The following GADL1 variants were observed in gnomAD, a reference collection of about 807,000 sequenced individuals.
GADL1 encodes the protein GAD like acidic amino acid decarboxylase 1.
In GADL1, 71 loss-of-function variants were observed where a neutral mutation model predicts 69.5. The ratio of observed to expected loss-of-function variants is 1.02; its 90% CI spans 0.84 to 1.25. The LOEUF (loss-of-function observed/expected upper bound fraction) is 1.25. Among genes scored for constraint, GADL1 ranks in the 50% most tolerant of loss-of-function variants. GADL1 has a pLI of 0.00. For synonymous variants in GADL1, 254 were observed against 214.4 expected, an observed-to-expected ratio of 1.18 and a Z score of -1.62; for missense variants, 737 against 631.8, an observed-to-expected ratio of 1.17 and a Z score of -1.79.
At chr3:30,787,333 G>A (rs555651786) in intron 12 of GADL1, among the ~76,000 whole-genome samples, 1 of 152,278 alleles carries the variant, frequency 6.6e-6, no homozygotes, top group African/African-American at 2.4e-5. Context: ...TATGGAATAT[G>A]AGTGAGAAAA....
chr3:30,742,125 T>C (rs1398153987), intron 14 of GADL1, among the ~76,000 whole-genome samples: 1 of 152,166 alleles, frequency 6.6e-6, no homozygotes, highest in Non-Finnish European at 1.5e-5. Flanking sequence ...CCTTCAGCTA[T>C]TTTAGTCTTC....
At chr3:30,791,440 C>CACTT (rs1696912853) in intron 12 of GADL1, among the ~76,000 whole-genome samples, 1 of 152,122 alleles carries the variant, frequency 6.6e-6, no homozygotes, top group African/African-American at 2.4e-5. Context: ...AGCCTGCCTC[C>CACTT]ACTTCCTCAT....
chr3:30,751,988 T>C (rs1460317470), intron 14 of GADL1, among the ~76,000 whole-genome samples: 1 of 143,996 alleles, frequency 6.9e-6, no homozygotes, highest in Admixed American at 6.7e-5. Context: ...TACTGATGGC[T>C]GTCTAAATAA....
At chr3:30,822,056 C>A (rs892559028) in intron 11 of GADL1, among the ~76,000 whole-genome samples, 5 of 152,000 alleles carry the variant, frequency 3.3e-5, no homozygotes, top group Non-Finnish European at 5.9e-5. Context: ...ACTTGGTACA[C>A]CTAATGGGAT....
intron 11 of GADL1, among the ~76,000 whole-genome samples, chr3:30,830,193 T>C (rs1332819579): frequency 6.6e-6 from 1 of 151,862 alleles, no homozygotes; most frequent in East Asian, 1.9e-4. Flanking sequence ...AACCTCATTC[T>C]GGAGGGGTCC....
chr3:30,807,861 A>G (rs928066465), intron 11 of GADL1, among the ~76,000 whole-genome samples: 1 of 151,428 alleles, frequency 6.6e-6, no homozygotes, highest in Non-Finnish European at 1.5e-5. Context: ...GCGAAACACC[A>G]TCTCTACTAA....
chr3:30,819,508 AG>A (rs1485765253), intron 11 of GADL1, among the ~76,000 whole-genome samples: 1 of 152,146 alleles, frequency 6.6e-6, no homozygotes, highest in Admixed American at 6.6e-5. Context: ...CTTTGCTCAG[AG>A]TAAACTAACA....
intron 14 of GADL1, among the ~76,000 whole-genome samples, chr3:30,768,564 GGT>G (rs777293441): frequency 0.21 from 30,712 of 142,900 alleles, 3,546 homozygotes; most frequent in Non-Finnish European, 0.28. Flanking sequence ...AGAGAGAAGG[GGT>G]GGGGAGGGGG....
chr3:30,877,291 C>CA (rs1221098125), intron 1 of GADL1, among the ~76,000 whole-genome samples: 2 of 151,804 alleles, frequency 1.3e-5, no homozygotes. Flanking sequence ...ACACATGAAA[C>CA]AATAAAAGAA....
chr3:30,755,698 T>TAG (rs1323006576), intron 14 of GADL1, among the ~76,000 whole-genome samples: 2 of 151,960 alleles, frequency 1.3e-5, no homozygotes, highest in Non-Finnish European at 2.9e-5. Flanking sequence ...GAGTCCTCCT[T>TAG]AGAATAGTGT....
chr3:30,809,153 T>C (rs142345993), intron 11 of GADL1, among the ~76,000 whole-genome samples: 6 of 152,374 alleles, frequency 3.9e-5, no homozygotes, highest in African/African-American at 1.4e-4. Context: ...AAAGCAGGTA[T>C]TCTTTCATTT....
In GADL1 at chr3:30,777,626, C is replaced by T. The variant is rs530042491; in HGVS notation, c.1392+553G>A. On this transcript the variant is annotated intron_variant, in intron 14 of 14. Coordinates refer to ENST00000282538, the MANE Select transcript of GADL1 (RefSeq NM_207359.3). Reference sequence around the variant, plus strand: ...CAGTCCCTGGAGCCTGGGGCCTCTCCTCACACGGTATCATCAGCCCCAACA... The same window carrying T: ...CAGTCCCTGGAGCCTGGGGCCTCTCTTCACACGGTATCATCAGCCCCAACA... Among the ~76,000 whole-genome samples, 298 of 152,306 alleles carry T rather than the reference C, an allele frequency of 2.0e-3. 1 individual carries two copies. Among genetic ancestry groups the T allele is most frequent in the African/African-American group, 6.9e-3 (288 of 41,564 alleles).
chr3:30,734,878 A>G (rs1394960825), intron 14 of GADL1, among the ~76,000 whole-genome samples: 2 of 152,164 alleles, frequency 1.3e-5, no homozygotes, highest in African/African-American at 4.8e-5. Flanking sequence ...TTTGCTCCCC[A>G]TTAAGGAAGA....
At chr3:30,729,659 C>G (rs1315430626) in intron 14 of GADL1, among the ~76,000 whole-genome samples, 1 of 152,160 alleles carries the variant, frequency 6.6e-6, no homozygotes. Context: ...ATCTGACACT[C>G]AACACAATCT....
chr3:30,796,069 T>G (rs1321311772), intron 12 of GADL1, among the ~76,000 whole-genome samples: 3 of 152,204 alleles, frequency 2.0e-5, no homozygotes, highest in African/African-American at 7.2e-5. Flanking sequence ...GAAAGTATTC[T>G]TAGACTGTAA....
At chr3:30,782,912 TAGG>T (rs760066218) in intron 13 of GADL1, among the ~76,000 whole-genome samples, 193 of 152,284 alleles carry the variant, frequency 1.3e-3, no homozygotes, top group Middle Eastern at 6.8e-3. Context: ...ATTTAGCAAT[TAGG>T]AGGTAGTTAT....
At chr3:30,882,149 T>G (rs1183173933) in intron 1 of GADL1, among the ~76,000 whole-genome samples, 3 of 151,920 alleles carry the variant, frequency 2.0e-5, no homozygotes, top group Non-Finnish European at 2.9e-5. Context: ...AATTAGGTAT[T>G]TTTTATTGTG....
At chr3:30,796,083 A>G (rs990923508) in intron 12 of GADL1, among the ~76,000 whole-genome samples, 2 of 152,218 alleles carry the variant, frequency 1.3e-5, no homozygotes, top group African/African-American at 4.8e-5. Context: ...ACTGTAAACT[A>G]AATTCCACCC....
chr3:30,732,843 AG>A (rs1316941475), intron 14 of GADL1, among the ~76,000 whole-genome samples: 2 of 152,198 alleles, frequency 1.3e-5, no homozygotes, highest in East Asian at 3.8e-4. Flanking sequence ...AGATCACTTG[AG>A]GCCAGGAGTT....
Sources: allele counts gnomAD v4.1 joint callset (sites outside exome capture counted in the v4.1 genomes callset), GRCh38; gene constraint gnomAD v4.1.1; transcripts MANE v1.5; gene names NCBI Gene and HGNC (gene_info 2026-07-23, HGNC 2026-07-21).